Variants in PPIL3 observed in about 807,000 individuals in gnomAD.
PPIL3 encodes peptidyl-prolyl cis-trans isomerase-like 3.
PPIL3 carries 13 observed loss-of-function variants against 20.9 expected under a neutral mutation model. The observed-to-expected ratio is 0.62, with a 90% confidence interval of 0.40 to 0.99. The LOEUF is 0.99. Among genes scored for constraint, PPIL3 ranks in the 50% least tolerant of loss-of-function variants. PPIL3 has a pLI of 0.00. For missense variants in PPIL3, 170 were observed against 195.2 expected, an observed-to-expected ratio of 0.87 and a Z score of 0.77; for synonymous variants, 71 against 64.4, an observed-to-expected ratio of 1.10 and a Z score of -0.49.
chr2:200,884,811 C>T (rs975209280), intron 3 of PPIL3: 3 of 152,092 alleles, frequency 2.0e-5, no homozygotes, highest in African/African-American at 7.3e-5. Context: ...TGCCTATAAT[C>T]CCAACACTTT....
intron 6 of PPIL3, among the ~76,000 whole-genome samples, chr2:200,872,600 C>T (rs2039350106): frequency 6.6e-6 from 1 of 152,070 alleles, no homozygotes. Context: ...CAAGAGTCAC[C>T]TCATTAGCAT....
intron 1 of PPIL3, 25 bp from the exon 2 acceptor site, chr2:200,887,710 T>C: frequency 9.6e-7 from 1 of 1,045,290 alleles, no homozygotes; most frequent in Middle Eastern, 2.1e-4. Context: ...AAAAAAGAAT[T>C]AGGCTCATTT....
At chr2:200,881,258 A>G (rs553312413) in intron 5 of PPIL3, among the ~76,000 whole-genome samples, 163 bp downstream of exon 5, 8 of 152,326 alleles carry the variant, frequency 5.3e-5, no homozygotes, top group African/African-American at 1.9e-4. Flanking sequence ...TAGGATCACC[A>G]TTTCTCAAGT....
In PPIL3 at chr2:200,887,642, A is replaced by T; in HGVS notation, c.-27T>A. The T allele has an allele frequency of 6.3e-7, 1 of 1,595,378 alleles. No homozygotes were observed. Among genetic ancestry groups the T allele is most frequent in the Non-Finnish European group, 8.6e-7 (1 of 1,169,426 alleles). ...TTTCCTCTTAGTGGTTTCAGGAAGG[A>T]CTACGTGATTTCTCAGTCTTACAGC... On this transcript the variant is annotated 5_prime_UTR_variant, in exon 2 of 7. Transcript: ENST00000392283.
intron 1 of PPIL3, among the ~76,000 whole-genome samples, chr2:200,888,743 C>T (rs965947604): frequency 1.3e-5 from 2 of 152,084 alleles, no homozygotes; most frequent in African/African-American, 4.8e-5. Context: ...CCAGGCTGGT[C>T]TCGAACTCCT....
rs1359462073 is a variant in PPIL3 at position 200,885,916 on chromosome 2, G to A, written c.4-144C>T. The stretch of plus-strand genomic sequence containing the variant: ...GCTTCAGAGATGACCCATCCACAAA[G>A]CAGCTCTTAGAGGTTAAGTTGTACT... On this transcript the variant is annotated intron_variant, in intron 2 of 6. Transcript: ENST00000392283. 12 of 539,050 alleles carry A rather than the reference G, an allele frequency of 2.2e-5. 1 individual carries two copies. 33.4% of individuals were successfully genotyped at this position (539,050 alleles called of 1,614,324 possible). A position where few individuals can be genotyped will look rare whatever the true frequency, so the allele number is the denominator to read the frequency against.
At chr2:200,878,458 T>C (rs969507132) in intron 5 of PPIL3, among the ~76,000 whole-genome samples, 23 of 151,152 alleles carry the variant, frequency 1.5e-4, no homozygotes, top group African/African-American at 5.4e-4. Flanking sequence ...GGTGCAATCA[T>C]AGCTCACTGT....
At chr2:200,889,283 A>T (rs981570368), upstream of PPIL3, 1 of 315,684 alleles carries the variant, frequency 3.2e-6, no homozygotes, top group Admixed American at 4.2e-5. Flanking sequence ...CGGCTGCCAA[A>T]CGGAAAGGAC....
chr2:200,879,692 G>A (rs1245162528), intron 5 of PPIL3, among the ~76,000 whole-genome samples: 1 of 152,086 alleles, frequency 6.6e-6, no homozygotes, highest in African/African-American at 2.4e-5. Flanking sequence ...AAATTAGCTG[G>A]GCACGGTGGT....
intron 2 of PPIL3, 149 bp downstream of exon 2, chr2:200,887,464 T>A: frequency 2.3e-6 from 1 of 439,798 alleles, no homozygotes; most frequent in Non-Finnish European, 4.0e-6. Context: ...GTGTATTTTT[T>A]AAAAGAATTA....
At chr2:200,885,485 T>G in intron 3 of PPIL3, 1 of 508,538 alleles carries the variant, frequency 2.0e-6, no homozygotes, top group Non-Finnish European at 3.4e-6. Context: ...CTGGCTACTC[T>G]ATCGTTACCG....
chr2:200,873,318 C>T (rs960481552), intron 6 of PPIL3, among the ~76,000 whole-genome samples: 1 of 151,434 alleles, frequency 6.6e-6, no homozygotes, highest in Non-Finnish European at 1.5e-5. Flanking sequence ...GCCTCCCAAG[C>T]AGCTGGGACT....
intron 1 of PPIL3, among the ~76,000 whole-genome samples, 187 bp from the exon 2 acceptor site, chr2:200,887,872 C>A (rs975309345): frequency 4.6e-5 from 7 of 152,058 alleles, no homozygotes; most frequent in Non-Finnish European, 8.8e-5. Context: ...GCCTGGCCAA[C>A]ATGGCGAAAC....
intron 6 of PPIL3, among the ~76,000 whole-genome samples, chr2:200,876,475 G>A (rs748984290): frequency 1.5e-4 from 23 of 150,844 alleles, no homozygotes; most frequent in African/African-American, 4.9e-4. Flanking sequence ...CTCCAGGTAC[G>A]TTTAGCTCTC....
chr2:200,878,219 A>G (rs1201538775), intron 5 of PPIL3, among the ~76,000 whole-genome samples: 1 of 152,238 alleles, frequency 6.6e-6, no homozygotes, highest in African/African-American at 2.4e-5. Flanking sequence ...ACCCATTAAC[A>G]TATTTCCCAG....
intron 1 of PPIL3, 28 bp from the exon 2 acceptor site, chr2:200,887,713 G>C: frequency 9.7e-7 from 1 of 1,034,250 alleles, no homozygotes; most frequent in South Asian, 1.5e-5. Context: ...AAAGAATTAG[G>C]CTCATTTTCC....
At chr2:200,878,901 C>T (rs2039614855) in intron 5 of PPIL3, among the ~76,000 whole-genome samples, 1 of 152,072 alleles carries the variant, frequency 6.6e-6, no homozygotes. Flanking sequence ...ACAATTTATC[C>T]ACAATCTACA....
At chr2:200,873,888 CA>C (rs1222561770) in intron 6 of PPIL3, among the ~76,000 whole-genome samples, 1 of 151,836 alleles carries the variant, frequency 6.6e-6, no homozygotes, top group East Asian at 1.9e-4. Flanking sequence ...GATTCTCAAC[CA>C]CTGGTATGTA....
intron 2 of PPIL3, among the ~76,000 whole-genome samples, chr2:200,886,490 A>G (rs1436329642): frequency 6.7e-6 from 1 of 148,740 alleles, no homozygotes; most frequent in Non-Finnish European, 1.5e-5. Context: ...CAGTGGCGTG[A>G]TCTCGGCTCA....
Sources: gnomAD v4.1 joint callset for allele counts (sites outside exome capture counted in the v4.1 genomes callset) on GRCh38, gnomAD v4.1.1 for gene constraint, MANE v1.5 for transcripts, NCBI Gene and HGNC (gene_info 2026-07-23, HGNC 2026-07-21) for gene names.